The following RXRG variants were observed in gnomAD, a reference collection of about 807,000 sequenced individuals.
The protein encoded by RXRG is retinoid X receptor gamma.
Under a neutral mutation model 49.2 loss-of-function variants are expected in RXRG, and 19 were observed. The ratio of observed to expected loss-of-function variants is 0.39; its 90% confidence interval spans 0.27 to 0.57. RXRG has a LOEUF of 0.57. Ranked by LOEUF, RXRG falls within the 20% of genes least tolerant of loss-of-function variation. The probability of loss-of-function intolerance (pLI) is 0.64; values close to 1 mark genes in which losing one functional copy is unlikely to be tolerated. For synonymous variants in RXRG, 224 were observed against 216.6 expected (o/e 1.03, Z -0.30); for missense variants, 452 against 592.5 (o/e 0.76, Z 2.46).
intron 4 of RXRG, among the ~76,000 whole-genome samples, chr1:165,412,110 G>A (rs1557912900): frequency 1.3e-5 from 2 of 152,148 alleles, no homozygotes; most frequent in Admixed American, 6.5e-5. Context: ...TTGCAAGAGT[G>A]CCTCCTACTC....
chr1:165,409,756 C>A, intron 6 of RXRG, 66 bp from the exon 7 acceptor site: 1 of 1,336,296 alleles, frequency 7.5e-7, no homozygotes, highest in Non-Finnish European at 9.7e-7. Context: ...TATAATCACC[C>A]AAGGCATGTA....
Position 165,409,543 on chromosome 1 carries a change from G to A in RXRG, c.1046+15C>T, listed in dbSNP as rs1186764252. The stretch of plus-strand genomic sequence containing the variant: ...CACATAATACACACAAATACTGGAA[G>A]CAGGAGAGAGACACCTGTCAAAGAT... On this transcript the variant is annotated intron_variant, in intron 7 of 9. Transcript: ENST00000359842. 3 of 1,451,428 alleles carry A rather than the reference G, an allele frequency of 2.1e-6. No homozygotes were observed. Among genetic ancestry groups the A allele is most frequent in the Non-Finnish European group, 2.7e-6 (3 of 1,100,466 alleles). 89.9% of individuals were successfully genotyped at this position (1,451,428 alleles called of 1,614,324 possible). A position where few individuals can be genotyped will look rare whatever the true frequency, so the allele number is the denominator to read the frequency against.
chr1:165,410,731 A>G lies in RXRG; in HGVS notation c.884T>C (p.Leu295Ser). ...KRIPHFSDLTLEDQVILLRAG... is the reference protein window; with the variant it reads ...KRIPHFSDLTSEDQVILLRAG... Reference sequence around the variant, plus strand: ...CCGAAGCAAAATGACCTGGTCCTCCAAGGTGAGGTCAGAGAAGTGGGGAAT... The same window carrying G: ...CCGAAGCAAAATGACCTGGTCCTCCGAGGTGAGGTCAGAGAAGTGGGGAAT... Residue 295 changes from leucine (L) to serine (S), a missense_variant, in exon 6 of 10, where the codon TTG becomes TCG. Physicochemically the swap from Leu to Ser is moderately radical, Grantham distance 145. Coordinates refer to ENST00000359842, the MANE Select transcript of RXRG (RefSeq NM_006917.5). The G allele has an allele frequency of 6.2e-7, 1 of 1,614,116 alleles. No homozygotes were observed. The highest frequency in any genetic ancestry group is 8.5e-7 in the Non-Finnish European group (1 of 1,180,018).
rs1015148255 is a variant in RXRG at position 165,445,124 on chromosome 1, G to A, written c.-231C>T. 2 of 570,126 alleles carry A rather than the reference G, an allele frequency of 3.5e-6. No individual in the cohort carries two copies. Among genetic ancestry groups the A allele is most frequent in the African/African-American group, 3.8e-5 (2 of 53,214 alleles). 35.3% of individuals were successfully genotyped at this position (570,126 alleles called of 1,614,324 possible). A position where few individuals can be genotyped will look rare whatever the true frequency, so the allele number is the denominator to read the frequency against. ...TGAGACGGCTGTGGCGGCAGCAGCT[G>A]GTGCCTGTCAGTAATCACGCATAAT... On this transcript the variant is annotated 5_prime_UTR_variant, in exon 1 of 10. Transcript: ENST00000359842.
At chr1:165,435,048 A>C (rs1457120426) in intron 1 of RXRG, among the ~76,000 whole-genome samples, 2 of 152,188 alleles carry the variant, frequency 1.3e-5, no homozygotes, top group Admixed American at 1.3e-4. Flanking sequence ...AGAAATCCCA[A>C]ATCCAAAATG....
At chr1:165,408,344 T>G (rs1162619764) in intron 7 of RXRG, 26 bp from the exon 8 acceptor site, 1 of 1,542,098 alleles carries the variant, frequency 6.5e-7, no homozygotes. Flanking sequence ...AAGCAGGTAA[T>G]GAGAAAACCG....
chr1:165,425,771 T>TC (rs1296069892), intron 2 of RXRG, among the ~76,000 whole-genome samples: 1 of 152,168 alleles, frequency 6.6e-6, no homozygotes, highest in East Asian at 1.9e-4. Flanking sequence ...CTCTCTTTGC[T>TC]CCCTTCAGGT....
At chr1:165,427,907 C>A (rs1658543325) in intron 2 of RXRG, among the ~76,000 whole-genome samples, 1 of 152,152 alleles carries the variant, frequency 6.6e-6, no homozygotes, top group Non-Finnish European at 1.5e-5. Flanking sequence ...ACATGAGGAG[C>A]CTGCAGCTGA....
chr1:165,419,103 A>C (rs557211171), intron 3 of RXRG, among the ~76,000 whole-genome samples: 4 of 152,332 alleles, frequency 2.6e-5, no homozygotes, highest in Middle Eastern at 3.4e-3. Context: ...TGGGGAGGGA[A>C]ATATGGGGCA....
At chr1:165,407,585 A>G (rs1367369361) in intron 8 of RXRG, among the ~76,000 whole-genome samples, 8 of 152,078 alleles carry the variant, frequency 5.3e-5, no homozygotes, top group African/African-American at 1.4e-4. Flanking sequence ...ATCTCCCCAG[A>G]TGATCTCACC....
chr1:165,428,180 C>A (rs187009051), intron 2 of RXRG, among the ~76,000 whole-genome samples: 1 of 152,174 alleles, frequency 6.6e-6, no homozygotes, highest in Admixed American at 6.5e-5. Context: ...GCAGAAGGCA[C>A]TCGAAATTAA....
Position 165,410,769 on chromosome 1 carries a change from T to C in RXRG, c.846A>G (p.Glu282=). Residue 282 remains glutamate, a synonymous_variant, in exon 6 of 10, where the codon GAA becomes GAG. Coordinates refer to ENST00000359842, the MANE Select transcript of RXRG (RefSeq NM_006917.5). ...AADKQLFTLV[E]WAKRIPHFSD... is the part of the protein sequence containing the mutation. ...AGAAGTGGGGAATACGCTTGGCCCA[T>C]TCAACGAGGGTGAAAAGCTGCTTGT... 1 of 1,614,146 alleles carries C rather than the reference T, an allele frequency of 6.2e-7. No individual in the cohort carries two copies. The highest frequency in any genetic ancestry group is 8.5e-7 in the Non-Finnish European group (1 of 1,180,012).
intron 6 of RXRG, among the ~76,000 whole-genome samples, chr1:165,409,898 C>T (rs149788860): frequency 2.0e-5 from 3 of 152,100 alleles, no homozygotes; most frequent in Admixed American, 2.0e-4. Flanking sequence ...CTGCACATCC[C>T]CCCACTCTCT....
intron 3 of RXRG, among the ~76,000 whole-genome samples, chr1:165,419,532 A>C (rs1301040895): frequency 6.6e-6 from 1 of 152,114 alleles, no homozygotes; most frequent in African/African-American, 2.4e-5. Context: ...CTGGGACTAC[A>C]CCAAAGCACT....
chr1:165,423,956 A>G (rs912916204), intron 2 of RXRG, among the ~76,000 whole-genome samples: 1 of 152,202 alleles, frequency 6.6e-6, no homozygotes, highest in African/African-American at 2.4e-5. Flanking sequence ...GTTATCAATA[A>G]ATATCTAAGC....
At chr1:165,405,149 A>T (rs918689580) in intron 9 of RXRG, among the ~76,000 whole-genome samples, 4 of 152,240 alleles carry the variant, frequency 2.6e-5, no homozygotes, top group African/African-American at 9.6e-5. Flanking sequence ...TGGTTTTTTA[A>T]GATAAACAGC....
At chr1:165,409,820 A>G in intron 6 of RXRG, 130 bp from the exon 7 acceptor site, 2 of 861,006 alleles carry the variant, frequency 2.3e-6, no homozygotes, top group Non-Finnish European at 3.1e-6. Flanking sequence ...GTTAAGAATT[A>G]GTTCAAGATG....
At chr1:165,442,432 C>A (rs1360116798) in intron 1 of RXRG, among the ~76,000 whole-genome samples, 1 of 152,230 alleles carries the variant, frequency 6.6e-6, no homozygotes, top group Non-Finnish European at 1.5e-5. Context: ...GACATGTAGA[C>A]AACCTACATG....
rs902888171 is a variant in RXRG at position 165,444,918 on chromosome 1, C to T, written c.-25G>A. ...TGTTTACTCGTCAGTTCATGTTCCT[C>T]TCCTGTGCAGCTTCTAAATATTACC... On this transcript the variant is annotated 5_prime_UTR_variant, in exon 1 of 10. Transcript: ENST00000359842. 2 of 1,611,634 alleles carry T rather than the reference C, an allele frequency of 1.2e-6. No homozygotes were observed. The highest frequency in any genetic ancestry group is 1.3e-5 in the African/African-American group (1 of 74,844).
Sources: gnomAD v4.1 joint callset for allele counts (sites outside exome capture counted in the v4.1 genomes callset) on GRCh38, gnomAD v4.1.1 for gene constraint, MANE v1.5 for transcripts, NCBI Gene and HGNC (gene_info 2026-07-23, HGNC 2026-07-21) for gene names.